The following ERC1 variants were observed in gnomAD, a reference collection of about 807,000 sequenced individuals.
ERC1 encodes RAB6 interacting protein 2.
A neutral mutation model predicts 132.0 loss-of-function variants in ERC1; 56 were observed. The observed-to-expected ratio is 0.42, with a 90% CI of 0.34 to 0.53. The LOEUF (loss-of-function observed/expected upper bound fraction) is 0.53. Among genes scored for constraint, ERC1 ranks in the 20% least tolerant of loss-of-function variants. ERC1 has a pLI of 0.03. For missense variants in ERC1, 1,202 were observed against 1,349.9 expected (o/e 0.89, Z 1.72); for synonymous variants, 478 against 476.1 (o/e 1.00, Z -0.05).
chr12:1,042,959 G>T (rs10773923), intron 2 of ERC1, among the ~76,000 whole-genome samples: 4 of 151,918 alleles, frequency 2.6e-5, no homozygotes, highest in Non-Finnish European at 5.9e-5. Flanking sequence ...TGTAATTTTA[G>T]GAGGGTCTAT....
intron 2 of ERC1, among the ~76,000 whole-genome samples, chr12:1,054,406 C>A (rs142641849): frequency 6.6e-6 from 1 of 152,150 alleles, no homozygotes; most frequent in Non-Finnish European, 1.5e-5. Flanking sequence ...AACATACTTA[C>A]ATTTCACTAG....
chr12:1,138,195 T>A (rs573519088), intron 7 of ERC1, among the ~76,000 whole-genome samples: 132 of 114,002 alleles, frequency 1.2e-3, no homozygotes, highest in Non-Finnish European at 1.6e-3. Flanking sequence ...TCATATATAA[T>A]TATATATGAT....
intron 18 of ERC1, among the ~76,000 whole-genome samples, chr12:1,478,145 A>C (rs549973081): frequency 6.6e-6 from 1 of 152,174 alleles, no homozygotes; most frequent in African/African-American, 2.4e-5. Context: ...TAAAGTGGTT[A>C]TGGCCATTTA....
chr12:1,192,943 C>G (rs191883085), intron 12 of ERC1, among the ~76,000 whole-genome samples: 19 of 152,094 alleles, frequency 1.2e-4, no homozygotes, highest in Non-Finnish European at 2.2e-4. Flanking sequence ...TAAATAGTTC[C>G]TCAACTAATG....
chr12:1,146,723 A>G (rs560718451), intron 8 of ERC1, among the ~76,000 whole-genome samples: 85 of 151,576 alleles, frequency 5.6e-4, no homozygotes, highest in South Asian at 1.2e-3. Flanking sequence ...TGCTGCACCC[A>G]TTAACTCGTC....
At chr12:1,348,642 G>A (rs1296259336) in intron 15 of ERC1, among the ~76,000 whole-genome samples, 6 of 151,622 alleles carry the variant, frequency 4.0e-5, no homozygotes, top group Non-Finnish European at 7.4e-5. Flanking sequence ...GCAGCGAGCC[G>A]AGATTGTGCC....
intron 12 of ERC1, among the ~76,000 whole-genome samples, chr12:1,224,833 A>G (rs572735754): frequency 1.3e-5 from 2 of 152,014 alleles, no homozygotes; most frequent in African/African-American, 2.4e-5. Context: ...ATAAACAGCA[A>G]TAACAAAATT....
chr12:1,438,399 T>C (rs1331574342), intron 17 of ERC1, among the ~76,000 whole-genome samples: 2 of 152,206 alleles, frequency 1.3e-5, no homozygotes, highest in Non-Finnish European at 2.9e-5. Flanking sequence ...GGGATTTTCT[T>C]AATGTAGTCT....
rs1264440597 is a variant in ERC1 at position 1,475,006 on chromosome 12, G to C, written c.3214-15087G>C. Among the ~76,000 whole-genome samples the C allele has an allele frequency of 2.6e-5, 4 of 152,152 alleles. No individual in the cohort carries two copies. In the East Asian group the frequency reaches 7.7e-4, roughly 29 times the overall value. ...TCTAGAAATCATATTACTACTCTGA[G>C]TTCAGGGAGGGCTGGAACAGCTACT... On this transcript the variant is annotated intron_variant, in intron 18 of 18. Coordinates refer to ENST00000360905, the MANE Select transcript of ERC1 (RefSeq NM_178040.4).
At chr12:1,415,472 T>G (rs557634733) in intron 17 of ERC1, among the ~76,000 whole-genome samples, 3 of 152,352 alleles carry the variant, frequency 2.0e-5, no homozygotes, top group Admixed American at 2.0e-4. Context: ...ACAAGTGTTG[T>G]AAAACAAGCA....
chr12:1,438,289 C>T (rs909476007), intron 17 of ERC1, among the ~76,000 whole-genome samples: 4 of 152,162 alleles, frequency 2.6e-5, no homozygotes, highest in African/African-American at 9.7e-5. Flanking sequence ...TTTATTTTCT[C>T]GCATCTTTTA....
chr12:1,138,491 A>T (rs1029457311), intron 7 of ERC1, among the ~76,000 whole-genome samples: 1 of 150,788 alleles, frequency 6.6e-6, no homozygotes, highest in Admixed American at 6.7e-5. Flanking sequence ...AAATTCTATT[A>T]CAAAATACCC....
At chr12:1,306,746 G>GT (rs897007655) in intron 15 of ERC1, among the ~76,000 whole-genome samples, 11 of 151,360 alleles carry the variant, frequency 7.3e-5, no homozygotes, top group Admixed American at 5.3e-4. Context: ...TTTGTTTTTT[G>GT]TTTTTTTTAG....
intron 18 of ERC1, among the ~76,000 whole-genome samples, chr12:1,453,765 T>C: frequency 6.6e-6 from 1 of 152,234 alleles, no homozygotes; most frequent in South Asian, 2.1e-4. Flanking sequence ...GAGATTAATA[T>C]AACATTACCT....
intron 12 of ERC1, among the ~76,000 whole-genome samples, chr12:1,229,515 T>TTTG (rs926013017): frequency 2.6e-5 from 4 of 152,058 alleles, no homozygotes; most frequent in East Asian, 1.9e-4. Flanking sequence ...AGTCTTCAAT[T>TTTG]TTGTTGTTGT....
intron 12 of ERC1, among the ~76,000 whole-genome samples, chr12:1,191,312 CAT>C (rs1183533574): frequency 6.6e-6 from 1 of 152,156 alleles, no homozygotes; most frequent in South Asian, 2.1e-4. Flanking sequence ...CACATGTACA[CAT>C]GTGTATATAC....
At chr12:1,372,101 A>C in intron 16 of ERC1, 124 bp downstream of exon 16, 1 of 1,192,318 alleles carries the variant, frequency 8.4e-7, no homozygotes, top group Non-Finnish European at 1.1e-6. Context: ...CATTGGAGCT[A>C]GTTAGTTTCC....
intron 12 of ERC1, among the ~76,000 whole-genome samples, chr12:1,212,157 C>T (rs1383566418): frequency 6.6e-6 from 1 of 152,244 alleles, no homozygotes; most frequent in East Asian, 1.9e-4. Context: ...GTAAGCTACG[C>T]ATTCCTTGCT....
At chr12:1,383,897 C>T (rs2089009111) in intron 16 of ERC1, among the ~76,000 whole-genome samples, 1 of 152,162 alleles carries the variant, frequency 6.6e-6, no homozygotes, top group Admixed American at 6.5e-5. Flanking sequence ...ATCACTACAG[C>T]CCTCAGAAGT....
Sources: gnomAD v4.1 joint callset for allele counts (sites outside exome capture counted in the v4.1 genomes callset) on GRCh38, gnomAD v4.1.1 for gene constraint, MANE v1.5 for transcripts, NCBI Gene and HGNC (gene_info 2026-07-23, HGNC 2026-07-21) for gene names.